HNF4A: variants seen among roughly 807,000 people sequenced by gnomAD.
HNF4A encodes the protein hepatocyte nuclear factor 4-alpha.
In HNF4A, 15 loss-of-function variants were observed where a neutral mutation model predicts 52.4. The ratio of observed to expected loss-of-function variants is 0.29; its 90% CI spans 0.19 to 0.44. The LOEUF (loss-of-function observed/expected upper bound fraction) is 0.44, where lower values mean the gene tolerates loss of function less well. HNF4A is among the 20% of genes least tolerant of loss of function. The pLI, the probability that HNF4A is intolerant of heterozygous loss-of-function variation, is 1.00. For missense variants in HNF4A, 479 were observed against 647.2 expected (o/e 0.74, Z 2.82); for synonymous variants, 280 against 264.4 (o/e 1.06, Z -0.57).
chr20:44,393,818 G>C lies in HNF4A; in HGVS notation c.50-12240G>C, dbSNP rs150252970. Among the ~76,000 whole-genome samples, 734 of 152,306 alleles carry C rather than the reference G, an allele frequency of 4.8e-3. 2 individuals carry two copies. Among genetic ancestry groups the C allele is most frequent in the Middle Eastern group, 0.01 (3 of 294 alleles). On this transcript the variant is annotated intron_variant, in intron 1 of 9. Coordinates refer to the HNF4A transcript ENST00000316673. ...AAACTGAGGCTCAGAGAGGTGGAGA[G>C]AGTCAGGGCAGGGCTCTACATCTTT...
intron 1 of HNF4A, among the ~76,000 whole-genome samples, chr20:44,361,963 C>G (rs1465380239): frequency 6.6e-6 from 1 of 152,074 alleles, no homozygotes; most frequent in Non-Finnish European, 1.5e-5. Flanking sequence ...GAAGAGTGTT[C>G]CCAGCTGAGG....
intron 6 of HNF4A, 60 bp downstream of exon 6, chr20:44,418,572 A>G (rs930466800): frequency 1.6e-5 from 21 of 1,288,348 alleles, no homozygotes; most frequent in Non-Finnish European, 2.2e-5. Context: ...CATGGCACTC[A>G]CCCAGGCAAG....
At chr20:44,421,176 G>A (rs544089751) in intron 7 of HNF4A, among the ~76,000 whole-genome samples, 4 of 151,970 alleles carry the variant, frequency 2.6e-5, no homozygotes, top group Non-Finnish European at 5.9e-5. Flanking sequence ...AACTGTAGAC[G>A]GTATCTCCCA....
At chr20:44,382,245 C>CTTTCTTTCT (rs1555809398) in intron 1 of HNF4A, among the ~76,000 whole-genome samples, 112 of 145,872 alleles carry the variant, frequency 7.7e-4, no homozygotes, top group African/African-American at 2.6e-3. Flanking sequence ...TTCTTTCTTT[C>CTTTCTTTCT]TTTTTTTTTT....
At chr20:44,379,720 T>TTC (rs200695548) in intron 1 of HNF4A, among the ~76,000 whole-genome samples, 2,924 of 148,116 alleles carry the variant, frequency 0.02, 88 homozygotes, top group African/African-American at 0.067. Context: ...CCCGGATAAT[T>TTC]TTTCTTTTCC....
intron 1 of HNF4A, among the ~76,000 whole-genome samples, chr20:44,371,190 A>C (rs2063029889): frequency 6.6e-6 from 1 of 152,168 alleles, no homozygotes. Context: ...ACAGGATCTC[A>C]GGTACTTGAC....
At chr20:44,425,579 A>G (rs2063805452) in intron 8 of HNF4A, among the ~76,000 whole-genome samples, 1 of 152,036 alleles carries the variant, frequency 6.6e-6, no homozygotes, top group Admixed American at 6.6e-5. Context: ...GACAGAATAA[A>G]CAACAAGACA....
At chr20:44,423,419 T>A (rs1380140664) in intron 7 of HNF4A, among the ~76,000 whole-genome samples, 1 of 151,958 alleles carries the variant, frequency 6.6e-6, no homozygotes, top group African/African-American at 2.4e-5. Flanking sequence ...TGGTCAGCAG[T>A]GATGGAGGGG....
At chr20:44,414,465 G>A (rs1238194975) in intron 4 of HNF4A, 42 bp from the exon 5 acceptor site, 18 of 1,613,764 alleles carry the variant, frequency 1.1e-5, no homozygotes, top group East Asian at 2.2e-5. Context: ...GTGCGGGAGG[G>A]CCCGGACATC....
At chr20:44,382,301 A>G (rs1271617510) in intron 1 of HNF4A, among the ~76,000 whole-genome samples, 1 of 149,808 alleles carries the variant, frequency 6.7e-6, no homozygotes, top group East Asian at 2.0e-4. Flanking sequence ...TGCGGTGGCG[A>G]GATCTCGGCT....
At chr20:44,387,073 T>C (rs902915163) in intron 1 of HNF4A, among the ~76,000 whole-genome samples, 1 of 151,334 alleles carries the variant, frequency 6.6e-6, no homozygotes, top group Non-Finnish European at 1.5e-5. Context: ...GAGGCCGAGG[T>C]GGGTGGATCA....
intron 1 of HNF4A, among the ~76,000 whole-genome samples, chr20:44,404,069 G>C (rs6124639): frequency 6.6e-6 from 1 of 152,200 alleles, no homozygotes; most frequent in Non-Finnish European, 1.5e-5. Flanking sequence ...GGGAGTCTGC[G>C]ATGGCAGAAA....
intron 1 of HNF4A, among the ~76,000 whole-genome samples, chr20:44,388,835 GT>G (rs1039149403): frequency 6.6e-6 from 1 of 152,248 alleles, no homozygotes; most frequent in African/African-American, 2.4e-5. Context: ...GCGGCAAAGG[GT>G]GTCAGGGCTC....
intron 3 of HNF4A, among the ~76,000 whole-genome samples, chr20:44,412,894 C>T (rs73909507): frequency 2.0e-5 from 3 of 152,274 alleles, no homozygotes; most frequent in Admixed American, 1.3e-4. Context: ...CGATTGCCAC[C>T]GGCACACAGA....
chr20:44,401,218 G>T (rs563697387), upstream of HNF4A: 6 of 1,517,654 alleles, frequency 4.0e-6, no homozygotes, highest in African/African-American at 6.8e-5. Context: ...CCTTCACAGA[G>T]GCTAGGCCAA....
At chr20:44,366,176 G>A (rs1291675028) in intron 1 of HNF4A, among the ~76,000 whole-genome samples, 1 of 152,118 alleles carries the variant, frequency 6.6e-6, no homozygotes, top group African/African-American at 2.4e-5. Flanking sequence ...ATATCATAGA[G>A]CATTTCATGT....
chr20:44,390,854 A>C (rs2063294522), intron 1 of HNF4A, among the ~76,000 whole-genome samples: 1 of 152,142 alleles, frequency 6.6e-6, no homozygotes, highest in Non-Finnish European at 1.5e-5. Flanking sequence ...TCAGAGAAGG[A>C]GAATCCAGAC....
intron 1 of HNF4A, among the ~76,000 whole-genome samples, chr20:44,382,969 G>C (rs955086936): frequency 1.3e-5 from 2 of 152,150 alleles, no homozygotes; most frequent in Non-Finnish European, 2.9e-5. Context: ...AAGAGTTCCA[G>C]ACCAGCCTGG....
intron 1 of HNF4A, chr20:44,377,708 A>G (rs1383856799): frequency 6.6e-6 from 1 of 152,208 alleles, no homozygotes; most frequent in Non-Finnish European, 1.5e-5. Context: ...TAAAAAAAAC[A>G]AAGTTGAAAT....
Sources: allele counts gnomAD v4.1 joint callset (sites outside exome capture counted in the v4.1 genomes callset), GRCh38; gene constraint gnomAD v4.1.1; transcripts MANE v1.5; gene names NCBI Gene and HGNC (gene_info 2026-07-23, HGNC 2026-07-21).